VPS54: variants seen among roughly 807,000 people sequenced by gnomAD.
VPS54 encodes the protein VPS54 subunit of GARP complex.
Under a neutral mutation model 121.5 loss-of-function variants are expected in VPS54, and 45 were observed. The observed-to-expected ratio is 0.37, with a 90% CI of 0.29 to 0.47. The LOEUF is 0.47. Ranked by LOEUF, VPS54 falls within the 20% of genes least tolerant of loss-of-function variation. The pLI, the probability that VPS54 is intolerant of heterozygous loss-of-function variation, is 0.99. For missense variants in VPS54, 1,090 were observed against 1,131.4 expected (o/e 0.96, Z 0.52); for synonymous variants, 371 against 385.8 (o/e 0.96, Z 0.45).
At chr2:64,016,770 G>A (rs985295614) in intron 1 of VPS54, among the ~76,000 whole-genome samples, 14 of 151,542 alleles carry the variant, frequency 9.2e-5, no homozygotes, top group African/African-American at 3.2e-4. Context: ...CCCCATGCCC[G>A]GCTAATTTAT....
intron 1 of VPS54, among the ~76,000 whole-genome samples, chr2:64,018,090 A>G (rs1678793325): frequency 6.6e-6 from 1 of 152,236 alleles, no homozygotes. Flanking sequence ...GTATACTACA[A>G]GTAATTTATC....
chr2:63,897,904 G>GA (rs1001807869), intron 21 of VPS54, among the ~76,000 whole-genome samples: 4 of 152,112 alleles, frequency 2.6e-5, no homozygotes, highest in African/African-American at 7.2e-5. Context: ...GTTGGTAGGG[G>GA]AAAAAATGTC....
At chr2:63,933,612 C>T (rs537951514) in intron 12 of VPS54, 61 bp downstream of exon 12, 1 of 1,432,004 alleles carries the variant, frequency 7.0e-7, no homozygotes, top group Admixed American at 1.8e-5. Flanking sequence ...ATCAATCTTA[C>T]TGAATCCATT....
chr2:63,920,484 A>C lies in VPS54; in HGVS notation c.2013T>G (p.Phe671Leu). Residue 671 changes from phenylalanine (F) to leucine (L), a missense_variant, in exon 14 of 23, where the codon TTT becomes TTG. Physicochemically the swap from Phe to Leu is conservative, Grantham distance 22. Transcript: ENST00000272322. ...LGALQSQAIK[F>L]VNRFHEERKT... is the part of the protein sequence containing the mutation. Reference sequence around the variant, plus strand: ...TTCTCTCTTCATGAAACCTATTTACAAACTTAATAGCTTGGCTCTGAAGTG... The same window carrying C: ...TTCTCTCTTCATGAAACCTATTTACCAACTTAATAGCTTGGCTCTGAAGTG... The C allele has an allele frequency of 6.4e-7, 1 of 1,567,148 alleles. No individual in the cohort carries two copies. Among genetic ancestry groups the C allele is most frequent in the Admixed American group, 1.8e-5 (1 of 54,116 alleles).
At chr2:64,006,595 T>G (rs958214767) in intron 1 of VPS54, among the ~76,000 whole-genome samples, 12 of 152,222 alleles carry the variant, frequency 7.9e-5, no homozygotes, top group Non-Finnish European at 1.5e-4. Context: ...ATAGTAGACA[T>G]TCAATAAATA....
chr2:63,927,669 G>C (rs1232402232), intron 12 of VPS54, among the ~76,000 whole-genome samples: 1 of 152,192 alleles, frequency 6.6e-6, no homozygotes, highest in Admixed American at 6.5e-5. Flanking sequence ...AGTTAGACGA[G>C]CTGACGGAAG....
intron 1 of VPS54, among the ~76,000 whole-genome samples, chr2:64,011,287 G>T (rs1214405236): frequency 6.6e-6 from 1 of 152,142 alleles, no homozygotes; most frequent in East Asian, 1.9e-4. Flanking sequence ...TTAAGGGGAG[G>T]CCGGGCACGG....
chr2:64,008,814 G>C (rs992576022), intron 1 of VPS54, among the ~76,000 whole-genome samples: 4 of 152,158 alleles, frequency 2.6e-5, no homozygotes, highest in Non-Finnish European at 5.9e-5. Context: ...AAGAAGAATT[G>C]CATCATCACT....
At chr2:63,965,285 G>A (rs1210074323) in intron 6 of VPS54, among the ~76,000 whole-genome samples, 2 of 152,054 alleles carry the variant, frequency 1.3e-5, no homozygotes, top group African/African-American at 2.4e-5. Flanking sequence ...GACCAGCCTG[G>A]CCAACATGGT....
chr2:63,992,946 C>CA (rs1455030673), intron 1 of VPS54, among the ~76,000 whole-genome samples: 1 of 152,218 alleles, frequency 6.6e-6, no homozygotes, highest in East Asian at 1.9e-4. Flanking sequence ...AATAGCCCTA[C>CA]AATCTGCCAG....
intron 12 of VPS54, among the ~76,000 whole-genome samples, chr2:63,927,160 C>T (rs987020021): frequency 6.6e-6 from 1 of 152,178 alleles, no homozygotes; most frequent in Non-Finnish European, 1.5e-5. Context: ...CTGTGGTTCT[C>T]CCAGCACAGT....
In VPS54 at chr2:63,942,362, A is replaced by C. The variant is rs543142185; in HGVS notation, c.1398+103T>G. The C allele has an allele frequency of 5.1e-6, 4 of 786,488 alleles. No individual in the cohort carries two copies. The South Asian group carries it at 1.4e-4, about 28-fold the overall frequency. 48.7% of individuals were successfully genotyped at this position (786,488 alleles called of 1,614,324 possible). On this transcript the variant is annotated intron_variant, in intron 11 of 22. Transcript: ENST00000272322. The stretch of plus-strand genomic sequence containing the variant: ...CTTTAGAAAAATTACAAAAACAAAG[A>C]AACTGTGTTTTATTCTAGTTTGAGT...
chr2:63,947,925 C>G (rs766182215), intron 8 of VPS54, among the ~76,000 whole-genome samples: 31 of 152,084 alleles, frequency 2.0e-4, no homozygotes, highest in Non-Finnish European at 4.0e-4. Flanking sequence ...CAGCCTTGAT[C>G]TCCCAGGCTC....
chr2:63,911,028 C>T (rs1345708761), intron 20 of VPS54, among the ~76,000 whole-genome samples: 1 of 152,174 alleles, frequency 6.6e-6, no homozygotes, highest in East Asian at 1.9e-4. Context: ...CCACTATTCC[C>T]AGCCTAGTTC....
chr2:63,916,965 TAC>T lies in VPS54; in HGVS notation c.2165-4_2165-3del. 3 of 1,613,422 alleles carry T rather than the reference TAC, an allele frequency of 1.9e-6. No homozygotes were observed. In the South Asian group the frequency reaches 3.3e-5, roughly 18 times the overall value. ...CAGCTGGTTTCCTTTCTTCTGTGGC[TAC>T]AGAGTTAAGCAAATAAACGAGAGAC... is the stretch of plus-strand genomic sequence containing the variant. On this transcript the variant is annotated splice_region_variant and splice_polypyrimidine_tract_variant and intron_variant, in intron 15 of 22. Transcript: ENST00000272322.
intron 21 of VPS54, among the ~76,000 whole-genome samples, chr2:63,897,981 G>A (rs987771564): frequency 1.3e-5 from 2 of 152,072 alleles, no homozygotes; most frequent in Admixed American, 1.3e-4. Context: ...GCATTTTATT[G>A]TTCTTGCATG....
At chr2:63,955,661 C>T (rs760079171) in intron 7 of VPS54, among the ~76,000 whole-genome samples, 1 of 151,856 alleles carries the variant, frequency 6.6e-6, no homozygotes, top group South Asian at 2.1e-4. Context: ...ATACTAACAC[C>T]AAACAGTACT....
At position 64,019,377 on chromosome 2, in the gene VPS54, CGGGTGCGGGGA is replaced by C. The variant is rs1678870451; in HGVS notation, c.-471_-461del. 2.0e-5 allele frequency among the ~76,000 whole-genome samples: 3 copies of C among 151,136 alleles called. No individual in the cohort carries two copies. Among genetic ancestry groups the C allele is most frequent in the Non-Finnish European group, 4.4e-5 (3 of 67,740 alleles). On this transcript the variant is annotated 5_prime_UTR_variant, in exon 1 of 23. Transcript: ENST00000272322. The stretch of plus-strand genomic sequence containing the variant: ...GCCGGCCCAGCCGGCTCGGCCCGGT[CGGGTGCGGGGA>C]GACAGCGCCGGAGGCCGCCGCAGCC...
intron 22 of VPS54, among the ~76,000 whole-genome samples, chr2:63,895,173 G>GCACCC (rs1672394430): frequency 6.6e-6 from 1 of 152,036 alleles, no homozygotes; most frequent in Non-Finnish European, 1.5e-5. Flanking sequence ...GTACAGAGCT[G>GCACCC]GGCCGGGTGC....
Sources: gnomAD v4.1 joint callset for allele counts (sites outside exome capture counted in the v4.1 genomes callset) on GRCh38, gnomAD v4.1.1 for gene constraint, MANE v1.5 for transcripts, NCBI Gene and HGNC (gene_info 2026-07-23, HGNC 2026-07-21) for gene names.